Variants in PTHLH observed in about 807,000 individuals in gnomAD.
PTHLH encodes parathyroid hormone-related protein.
Under a neutral mutation model 18.6 loss-of-function variants are expected in PTHLH, and 5 were observed. That is an observed-to-expected ratio of 0.27 (90% CI 0.14 to 0.56). The LOEUF is 0.56. Ranked by LOEUF, PTHLH falls within the 20% of genes least tolerant of loss-of-function variation. The pLI is 0.92. For synonymous variants in PTHLH, 90 were observed against 94.0 expected (o/e 0.96, Z 0.25); for missense variants, 207 against 223.9 (o/e 0.92, Z 0.48).
At chr12:27,964,958 C>T (rs1174194637) in intron 4 of PTHLH, among the ~76,000 whole-genome samples, 5 of 152,166 alleles carry the variant, frequency 3.3e-5, no homozygotes, top group Admixed American at 3.3e-4. Context: ...CCAAACTGGC[C>T]CATCCTCAAA....
Position 27,970,234 on chromosome 12 carries a change from G to T in PTHLH, c.-232C>A. 1 of 477,122 alleles carries T rather than the reference G, an allele frequency of 2.1e-6. No homozygotes were observed. The highest frequency in any genetic ancestry group is 4.2e-6 in the Non-Finnish European group (1 of 239,974). The allele number at this position is 477,122 out of a possible 1,614,324, so 29.6% of individuals were successfully genotyped here. A position where few individuals can be genotyped will look rare whatever the true frequency, so the allele number is the denominator to read the frequency against. ...GCAGGTTGGAGGCGAGTTGAAAACC[G>T]AGCGGAGGAATGTTCACACGCTCCG... On this transcript the variant is annotated 5_prime_UTR_variant, in exon 3 of 6. Transcript: ENST00000545234.
chr12:27,969,450 C>T lies in PTHLH; in HGVS notation c.45G>A (p.Leu15=). ...CGCAGGAGGGCACCGCGTAGCTCAG[C>T]AGGAACACCGCGACGCTCCACTGCT... ...LVQQWSVAVF[L]LSYAVPSCGR... The change falls in exon 4 of 6, where the codon CTG becomes CTA. Residue 15 remains leucine, a synonymous_variant. Coordinates refer to ENST00000545234, the MANE Select transcript of PTHLH (RefSeq NM_198965.2). 1 of 1,594,340 alleles carries T rather than the reference C, an allele frequency of 6.3e-7. No individual in the cohort carries two copies. Among genetic ancestry groups the T allele is most frequent in the East Asian group, 2.3e-5 (1 of 43,826 alleles).
In PTHLH at chr12:27,958,130, T is replaced by G. The variant is rs1460965991; in HGVS notation, c.*429A>C. 1 of 153,044 alleles carries G rather than the reference T, an allele frequency of 6.5e-6. No individual in the cohort carries two copies. The highest frequency in any genetic ancestry group is 6.5e-5 in the Admixed American group (1 of 15,300). The allele number at this position is 153,044 out of a possible 1,614,324, so 9.5% of individuals were successfully genotyped here. ...TTTTATTAGACATTCTTTACAAATTTAAAATACTGTTATTTTTACATGCAC... is the reference window on the plus strand; with the variant it reads ...TTTTATTAGACATTCTTTACAAATTGAAAATACTGTTATTTTTACATGCAC... On this transcript the variant is annotated 3_prime_UTR_variant, in exon 6 of 6. Transcript: ENST00000545234.
intron 4 of PTHLH, among the ~76,000 whole-genome samples, chr12:27,966,368 T>G (rs2062813460): frequency 6.6e-6 from 1 of 152,240 alleles, no homozygotes; most frequent in South Asian, 2.1e-4. Flanking sequence ...AAATGCTAAA[T>G]TGGAAATGCT....
At chr12:27,959,740 T>C (rs2120597719) in intron 5 of PTHLH, among the ~76,000 whole-genome samples, 1 of 152,330 alleles carries the variant, frequency 6.6e-6, no homozygotes, top group East Asian at 1.9e-4. Context: ...AGGTTATTGA[T>C]CTCTTCACCA....
chr12:27,958,493 T>C lies in PTHLH; in HGVS notation c.*66A>G. 1 of 1,430,660 alleles carries C rather than the reference T, an allele frequency of 7.0e-7. No individual in the cohort carries two copies. Among genetic ancestry groups the C allele is most frequent in the Non-Finnish European group, 9.5e-7 (1 of 1,052,158 alleles). 88.6% of individuals were successfully genotyped at this position (1,430,660 alleles called of 1,614,324 possible). A position where few individuals can be genotyped will look rare whatever the true frequency, so the allele number is the denominator to read the frequency against. ...ATTTACAGACAATAAATATTTCTAATACTTTCCATATGTTCACTATTACAG... is the reference window on the plus strand; with the variant it reads ...ATTTACAGACAATAAATATTTCTAACACTTTCCATATGTTCACTATTACAG... On this transcript the variant is annotated 3_prime_UTR_variant, in exon 6 of 6. Transcript: ENST00000545234.
intron 5 of PTHLH, among the ~76,000 whole-genome samples, chr12:27,961,323 G>GTGTATATATATATATATGTA (rs2062758008): frequency 7.6e-5 from 7 of 91,936 alleles, no homozygotes; most frequent in Non-Finnish European, 1.3e-4. Flanking sequence ...ATATATATAC[G>GTGTATATATATATATATGTA]TATATATATA....
chr12:27,969,006 G>A, intron 4 of PTHLH: 2 of 226,464 alleles, frequency 8.8e-6, no homozygotes, highest in Non-Finnish European at 1.8e-5. Context: ...GTATACAAGC[G>A]CGCAGGCCAT....
At chr12:27,962,995 T>G in intron 5 of PTHLH, 2 of 1,170,678 alleles carry the variant, frequency 1.7e-6, no homozygotes, top group Non-Finnish European at 1.1e-6. Flanking sequence ...GGTGTGAGAG[T>G]AAGGGGAAGA....
intron 5 of PTHLH, among the ~76,000 whole-genome samples, chr12:27,960,650 G>A (rs944886643): frequency 1.3e-5 from 2 of 150,250 alleles, no homozygotes; most frequent in East Asian, 3.9e-4. Context: ...CCCAGGAGGC[G>A]GAGGTTGCAG....
At chr12:27,959,100 A>G (rs2062733989) in intron 5 of PTHLH, among the ~76,000 whole-genome samples, 1 of 152,238 alleles carries the variant, frequency 6.6e-6, no homozygotes, top group Non-Finnish European at 1.5e-5. Flanking sequence ...AACAATTGGA[A>G]GGATGTGTAG....
chr12:27,958,360 GATA>G lies in PTHLH; in HGVS notation c.*196_*198del, dbSNP rs1283099083. On this transcript the variant is annotated 3_prime_UTR_variant, in exon 6 of 6. Coordinates refer to ENST00000545234, the MANE Select transcript of PTHLH (RefSeq NM_198965.2). Reference sequence around the variant, plus strand: ...GGACAAAATAAATTATGGTAAATGTGATAATAATAATTGGATTAGCCTTGGCAA... The same window carrying G: ...GGACAAAATAAATTATGGTAAATGTGATAATAATTGGATTAGCCTTGGCAA... The G allele has an allele frequency of 1.7e-5, 7 of 414,330 alleles. No homozygotes were observed. The highest frequency in any genetic ancestry group is 8.8e-5 in the African/African-American group (4 of 45,508). The allele number at this position is 414,330 out of a possible 1,614,324, so 25.7% of individuals were successfully genotyped here.
intron 3 of PTHLH, chr12:27,969,790 G>A (rs1184315528): frequency 3.2e-6 from 2 of 630,506 alleles, no homozygotes; most frequent in Non-Finnish European, 6.0e-6. Flanking sequence ...AAATAATAGC[G>A]AAAATAAAAT....
chr12:27,961,650 G>A (rs2062762747), intron 5 of PTHLH: 1 of 322,896 alleles, frequency 3.1e-6, no homozygotes, highest in South Asian at 1.1e-4. Context: ...TATAGGGTTT[G>A]TTACCCTTTA....
chr12:27,961,765 T>C, intron 5 of PTHLH: 1 of 533,714 alleles, frequency 1.9e-6, no homozygotes, highest in South Asian at 2.9e-5. Context: ...CCCATATGAT[T>C]GCTATTTTAT....
chr12:27,960,011 A>G (rs1357460100), intron 5 of PTHLH, among the ~76,000 whole-genome samples: 1 of 152,240 alleles, frequency 6.6e-6, no homozygotes, highest in Non-Finnish European at 1.5e-5. Flanking sequence ...AGAAAGAAAA[A>G]GAAGTAAGTT....
In PTHLH at chr12:27,972,688, G is replaced by A. The variant is rs1228757026; in HGVS notation, c.-524C>T. ...AAGGAGACTTCTGTTCCCACTAAAG[G>A]CAATTATTAGAAAGCAGGTACCTCT... On this transcript the variant is annotated 5_prime_UTR_variant, in exon 1 of 6. Transcript: ENST00000545234. The A allele has an allele frequency of 6.6e-6, 1 of 152,074 alleles. No homozygotes were observed. The highest frequency in any genetic ancestry group is 1.5e-5 in the Non-Finnish European group (1 of 68,012). 9.4% of individuals were successfully genotyped at this position (152,074 alleles called of 1,614,324 possible). A position where few individuals can be genotyped will look rare whatever the true frequency, so the allele number is the denominator to read the frequency against.
chr12:27,965,942 A>G (rs1430464623), intron 4 of PTHLH, among the ~76,000 whole-genome samples: 1 of 152,248 alleles, frequency 6.6e-6, no homozygotes, highest in Non-Finnish European at 1.5e-5. Flanking sequence ...AATTTATAGT[A>G]TTGGGGGCTT....
rs755154380 is a variant in PTHLH at position 27,963,616 on chromosome 12, G to T, written c.256C>A (p.Pro86Thr). The T allele has an allele frequency of 6.2e-7, 1 of 1,614,176 alleles. No individual in the cohort carries two copies. The highest frequency in any genetic ancestry group is 8.5e-7 in the Non-Finnish European group (1 of 1,180,042). ...SEVSPNSKPSPNTKNHPVRFG... is the reference protein window; with the variant it reads ...SEVSPNSKPSTNTKNHPVRFG... ...CGGACGGGGTGGTTCTTTGTGTTGG[G>T]AGAGGGCTTGGAGTTAGGGGACACC... The change falls in exon 5 of 6, where the codon CCC becomes ACC. Residue 86 changes from proline (P) to threonine (T), a missense_variant. Pro to Thr is a conservative substitution (Grantham distance 38). Transcript: ENST00000545234.
Sources: gnomAD v4.1 joint callset for allele counts (sites outside exome capture counted in the v4.1 genomes callset) on GRCh38, gnomAD v4.1.1 for gene constraint, MANE v1.5 for transcripts, NCBI Gene and HGNC (gene_info 2026-07-23, HGNC 2026-07-21) for gene names.